Variants in ACTR3C observed in about 807,000 individuals in gnomAD.
The protein encoded by ACTR3C is actin-related protein 3C.
In ACTR3C, 18 loss-of-function variants were observed where a neutral mutation model predicts 26.3. That is an observed-to-expected ratio of 0.68 (90% CI 0.47 to 1.01). The LOEUF (loss-of-function observed/expected upper bound fraction) is 1.01. ACTR3C is among the 50% of genes least tolerant of loss of function. The pLI is 0.00. For missense variants in ACTR3C, 184 were observed against 250.7 expected (o/e 0.73, Z 1.80); for synonymous variants, 55 against 94.5 (o/e 0.58, Z 2.42).
At chr7:149,923,514 G>C in the ACTR3C span, among the ~76,000 whole-genome samples, 1 of 152,100 alleles carries the variant, frequency 6.6e-6, no homozygotes, top group Non-Finnish European at 1.5e-5. Context: ...CAATTAGAAG[G>C]CTACTTGATA....
chr7:150,097,497 C>A, the ACTR3C span, among the ~76,000 whole-genome samples: 2 of 151,670 alleles, frequency 1.3e-5, no homozygotes, highest in African/African-American at 4.9e-5. Context: ...CCAAGTAGAA[C>A]TGAGCAAAGC....
chr7:150,288,964 C>A (rs1835997391), intron 4 of ACTR3C, among the ~76,000 whole-genome samples: 6 of 151,756 alleles, frequency 4.0e-5, no homozygotes, highest in Admixed American at 3.9e-4. Context: ...GTCAGGCTCA[C>A]CCCCATCAAG....
chr7:149,910,484 C>T, the ACTR3C span, among the ~76,000 whole-genome samples: 1 of 152,076 alleles, frequency 6.6e-6, no homozygotes, highest in African/African-American at 2.4e-5. Context: ...GGGAAAAAAA[C>T]CACCACTCAG....
chr7:149,913,399 G>T, the ACTR3C span, among the ~76,000 whole-genome samples: 1 of 152,184 alleles, frequency 6.6e-6, no homozygotes, highest in Non-Finnish European at 1.5e-5. Flanking sequence ...GAGGATAGGG[G>T]AGGCGGGTGG....
At chr7:150,012,250 C>T in the ACTR3C span, among the ~76,000 whole-genome samples, 1 of 151,378 alleles carries the variant, frequency 6.6e-6, no homozygotes, top group East Asian at 1.9e-4. Flanking sequence ...GATAATGAAG[C>T]TCTTCTGAAT....
chr7:150,113,449 T>C, the ACTR3C span, among the ~76,000 whole-genome samples: 3 of 113,170 alleles, frequency 2.7e-5, no homozygotes, highest in Admixed American at 1.6e-4. Flanking sequence ...TTTCTAAGCC[T>C]GTTAGTTCAC....
chr7:149,883,885 C>T, the ACTR3C span, among the ~76,000 whole-genome samples: 1 of 152,360 alleles, frequency 6.6e-6, no homozygotes, highest in East Asian at 1.9e-4. Flanking sequence ...TCCCAGGCTT[C>T]CCGAACCGTC....
At chr7:150,137,337 C>T in the ACTR3C span, among the ~76,000 whole-genome samples, 1 of 152,286 alleles carries the variant, frequency 6.6e-6, no homozygotes, top group South Asian at 2.1e-4. Context: ...TGCTTCCTTC[C>T]TCTTGCTATG....
the ACTR3C span, among the ~76,000 whole-genome samples, chr7:150,185,822 C>T: frequency 1.3e-5 from 2 of 152,090 alleles, no homozygotes; most frequent in African/African-American, 4.8e-5. Context: ...ACAGAAGAAC[C>T]ACAACCAGCT....
chr7:150,002,629 C>T, the ACTR3C span: 1 of 152,210 alleles, frequency 6.6e-6, no homozygotes, highest in Non-Finnish European at 1.5e-5. Context: ...TATTATGAAG[C>T]GAATGGCCCA....
At chr7:150,113,777 C>T in the ACTR3C span, among the ~76,000 whole-genome samples, 3 of 152,136 alleles carry the variant, frequency 2.0e-5, no homozygotes, top group African/African-American at 4.8e-5. Flanking sequence ...CTATGCCTGG[C>T]TAAAAATGAA....
At chr7:150,223,225 A>G in the ACTR3C span, among the ~76,000 whole-genome samples, 1 of 152,204 alleles carries the variant, frequency 6.6e-6, no homozygotes, top group Non-Finnish European at 1.5e-5. Flanking sequence ...TATGAGGTCC[A>G]TCATGTTTTT....
At chr7:149,927,574 C>A in the ACTR3C span, among the ~76,000 whole-genome samples, 1 of 151,632 alleles carries the variant, frequency 6.6e-6, no homozygotes, top group East Asian at 1.9e-4. Flanking sequence ...ATTAAAAATA[C>A]AAAATTAGCC....
the ACTR3C span, among the ~76,000 whole-genome samples, chr7:150,208,878 T>C: frequency 0.036 from 5,448 of 152,166 alleles, 120 homozygotes; most frequent in African/African-American, 0.058. Context: ...GAGGTGGACA[T>C]TAAAACAATT....
chr7:150,291,852 T>C (rs1836293272), intron 3 of ACTR3C, among the ~76,000 whole-genome samples: 1 of 151,596 alleles, frequency 6.6e-6, no homozygotes, highest in African/African-American at 2.4e-5. Flanking sequence ...TGAGACTGGC[T>C]TGAAGGGGGC....
At chr7:150,024,499 G>A in the ACTR3C span, among the ~76,000 whole-genome samples, 3 of 147,174 alleles carry the variant, frequency 2.0e-5, no homozygotes, top group South Asian at 4.5e-4. Flanking sequence ...TGTGGCTTCC[G>A]ACAGTTGCTT....
the ACTR3C span, among the ~76,000 whole-genome samples, chr7:150,018,828 G>C: frequency 6.6e-6 from 1 of 150,444 alleles, no homozygotes; most frequent in Non-Finnish European, 1.5e-5. Flanking sequence ...GTATCTAAGA[G>C]ACTTTCAAGA....
chr7:150,180,867 T>C, the ACTR3C span, among the ~76,000 whole-genome samples: 1 of 150,370 alleles, frequency 6.7e-6, no homozygotes, highest in Non-Finnish European at 1.5e-5. Context: ...AACATTTTTA[T>C]AGTGTTCTTG....
chr7:150,281,226 G>A (rs1241005662), intron 6 of ACTR3C, among the ~76,000 whole-genome samples: 1 of 151,908 alleles, frequency 6.6e-6, no homozygotes, highest in Non-Finnish European at 1.5e-5. Flanking sequence ...ACAGGAATGC[G>A]CGGCCGTCCA....
Sources: gnomAD v4.1 joint callset for allele counts (sites outside exome capture counted in the v4.1 genomes callset) on GRCh38, gnomAD v4.1.1 for gene constraint, MANE v1.5 for transcripts, NCBI Gene and HGNC (gene_info 2026-07-23, HGNC 2026-07-21) for gene names.